Variants in CSMD1 observed in about 807,000 individuals in gnomAD.
CSMD1 encodes the protein CUB and sushi domain-containing protein 1.
A neutral mutation model predicts 417.5 loss-of-function variants in CSMD1; 213 were observed. The observed-to-expected ratio is 0.51, with a 90% CI of 0.46 to 0.57. The LOEUF is 0.57. Ranked by LOEUF, CSMD1 falls within the 20% of genes least tolerant of loss-of-function variation. CSMD1 has a pLI of 0.00. For synonymous variants in CSMD1, 2,862 were observed against 1,736.8 expected (o/e 1.65, Z -16.11); for missense variants, 6,923 against 4,529.7 (o/e 1.53, Z -15.17).
intron 3 of CSMD1, among the ~76,000 whole-genome samples, chr8:4,215,099 G>C (rs1189039938): frequency 6.6e-6 from 1 of 152,106 alleles, no homozygotes; most frequent in East Asian, 1.9e-4. Context: ...TTCTATTCCG[G>C]ACAAGTGAAT....
chr8:3,921,086 G>A (rs112748913), intron 5 of CSMD1, among the ~76,000 whole-genome samples: 1 of 152,020 alleles, frequency 6.6e-6, no homozygotes, highest in African/African-American at 2.4e-5. Context: ...TAGTAGTGAA[G>A]GTATCTATTT....
intron 10 of CSMD1, among the ~76,000 whole-genome samples, chr8:3,555,833 A>G (rs1351836473): frequency 6.6e-6 from 1 of 152,154 alleles, no homozygotes; most frequent in African/African-American, 2.4e-5. Flanking sequence ...TTCGGTGCCA[A>G]AAGTTTTTCT....
intron 2 of CSMD1, among the ~76,000 whole-genome samples, chr8:4,594,029 C>T (rs1260680079): frequency 6.6e-6 from 1 of 151,980 alleles, no homozygotes; most frequent in African/African-American, 2.4e-5. Flanking sequence ...ATCTCTGGTG[C>T]TCCTTGGCTG....
rs1215949570 is a variant in CSMD1 at position 3,754,011 on chromosome 8, T to C, written c.850A>G (p.Ile284Val). The C allele has an allele frequency of 6.2e-7, 1 of 1,613,248 alleles. No individual in the cohort carries two copies. The highest frequency in any genetic ancestry group is 2.2e-5 in the East Asian group (1 of 44,844). The change falls in exon 6 of 70, where the codon ATC (isoleucine) becomes GTC (valine). Residue 284 changes from isoleucine to valine, a missense_variant. Physicochemically the swap from Ile to Val is conservative, Grantham distance 29. Coordinates refer to ENST00000635120, the MANE Select transcript of CSMD1 (RefSeq NM_033225.6). ...LTGMNLPSPV[I>V]SSKNWLRLHF... Reference sequence around the variant, plus strand: ...AGTCGTAGCCAATTCTTGCTACTGATAACTGGAGAGGGGAGGTTCATGCCA... The same window carrying C: ...AGTCGTAGCCAATTCTTGCTACTGACAACTGGAGAGGGGAGGTTCATGCCA...
rs190744024 is a variant in CSMD1 at position 3,335,342 on chromosome 8, G to T, written c.3631+7952C>A. Among the ~76,000 whole-genome samples the T allele has an allele frequency of 3.4e-4, 52 of 152,288 alleles. 1 individual carries two copies. The highest frequency in any genetic ancestry group is 2.5e-3 in the East Asian group (13 of 5,166). On this transcript the variant is annotated intron_variant, in intron 23 of 69. Transcript: ENST00000635120. ...TCCCCTCCATCACACACAGCCAGTG[G>T]TGTGTGTCCCAACGACACAAATGGT...
intron 3 of CSMD1, among the ~76,000 whole-genome samples, chr8:4,201,451 T>C (rs1468649176): frequency 7.2e-6 from 1 of 139,298 alleles, no homozygotes; most frequent in African/African-American, 2.7e-5. Context: ...GGCAGGAGAA[T>C]GGCATGAACA....
intron 3 of CSMD1, among the ~76,000 whole-genome samples, chr8:4,297,123 A>G (rs1036844542): frequency 2.0e-5 from 3 of 152,116 alleles, no homozygotes; most frequent in African/African-American, 7.2e-5. Flanking sequence ...AATACGTTTT[A>G]ATCTTAATTG....
intron 52 of CSMD1, among the ~76,000 whole-genome samples, chr8:3,013,537 G>A (rs1217643650): frequency 6.6e-6 from 1 of 152,144 alleles, no homozygotes; most frequent in Non-Finnish European, 1.5e-5. Flanking sequence ...GATCACCCAA[G>A]GTCAGGAGTT....
intron 5 of CSMD1, among the ~76,000 whole-genome samples, chr8:3,781,436 G>A (rs941436804): frequency 6.6e-6 from 1 of 152,152 alleles, no homozygotes; most frequent in African/African-American, 2.4e-5. Flanking sequence ...ACAGTCTGGG[G>A]GGTTTCCTCT....
At chr8:3,266,943 T>C (rs570675482) in intron 26 of CSMD1, among the ~76,000 whole-genome samples, 2 of 152,218 alleles carry the variant, frequency 1.3e-5, no homozygotes, top group Admixed American at 1.3e-4. Flanking sequence ...ACAGCCAACA[T>C]AGACTAAGGT....
At chr8:3,287,004 G>A (rs201187176) in intron 25 of CSMD1, among the ~76,000 whole-genome samples, 5,536 of 151,992 alleles carry the variant, frequency 0.036, 159 homozygotes, top group Admixed American at 0.087. Flanking sequence ...TTTTGTATAA[G>A]GTGTAAGGAA....
At chr8:4,129,460 T>TA (rs577832459) in intron 3 of CSMD1, among the ~76,000 whole-genome samples, 28 of 152,306 alleles carry the variant, frequency 1.8e-4, no homozygotes, top group African/African-American at 6.5e-4. Flanking sequence ...GCATGGGAGA[T>TA]AAAAATTGTG....
intron 1 of CSMD1, among the ~76,000 whole-genome samples, chr8:4,809,400 G>A (rs1353878975): frequency 1.3e-5 from 2 of 152,172 alleles, no homozygotes; most frequent in Admixed American, 6.5e-5. Context: ...ATTTTAAGCA[G>A]TAAGGAGTAT....
intron 2 of CSMD1, among the ~76,000 whole-genome samples, chr8:4,594,607 C>G (rs11774942): frequency 2.0e-5 from 3 of 151,920 alleles, no homozygotes; most frequent in Non-Finnish European, 4.4e-5. Flanking sequence ...TAACAGGAAA[C>G]AAGAAGCAAA....
chr8:4,595,088 T>G (rs1800184303), intron 2 of CSMD1, among the ~76,000 whole-genome samples: 1 of 152,166 alleles, frequency 6.6e-6, no homozygotes, highest in Non-Finnish European at 1.5e-5. Flanking sequence ...TTTTATAACT[T>G]TAATAGGGAT....
intron 3 of CSMD1, among the ~76,000 whole-genome samples, chr8:4,202,401 C>T (rs925541905): frequency 2.0e-5 from 3 of 152,130 alleles, no homozygotes; most frequent in African/African-American, 7.2e-5. Flanking sequence ...CATTCTTAAG[C>T]TTTTTCACAA....
intron 1 of CSMD1, among the ~76,000 whole-genome samples, chr8:4,704,740 T>C (rs1051887131): frequency 6.6e-6 from 1 of 152,176 alleles, no homozygotes; most frequent in Non-Finnish European, 1.5e-5. Flanking sequence ...CTTTCAAATG[T>C]TCTGGATATG....
At chr8:3,653,722 C>A (rs533089846) in intron 7 of CSMD1, among the ~76,000 whole-genome samples, 2 of 152,156 alleles carry the variant, frequency 1.3e-5, no homozygotes, top group African/African-American at 4.8e-5. Flanking sequence ...AATGAGGACT[C>A]TAGTGAAGGA....
At chr8:3,102,848 G>C (rs1214119212) in intron 46 of CSMD1, among the ~76,000 whole-genome samples, 1 of 152,156 alleles carries the variant, frequency 6.6e-6, no homozygotes, top group Non-Finnish European at 1.5e-5. Context: ...GGCTTCTCCT[G>C]GGCCTTGAAG....
Sources: allele counts gnomAD v4.1 joint callset (sites outside exome capture counted in the v4.1 genomes callset), GRCh38; gene constraint gnomAD v4.1.1; transcripts MANE v1.5; gene names NCBI Gene and HGNC (gene_info 2026-07-23, HGNC 2026-07-21).